HCRTR2: variants seen among roughly 807,000 people sequenced by gnomAD.
The protein encoded by HCRTR2 is orexin receptor type 2.
In HCRTR2, 22 loss-of-function variants were observed where a neutral mutation model predicts 49.0. The observed-to-expected ratio is 0.45, with a 90% CI of 0.32 to 0.64. The LOEUF is 0.64. HCRTR2 is among the 30% of genes least tolerant of loss of function. The pLI is 0.04. For missense variants in HCRTR2, 491 were observed against 559.4 expected (o/e 0.88, Z 1.23); for synonymous variants, 236 against 205.3 (o/e 1.15, Z -1.28).
chr6:55,233,705 C>G (rs116113238), intron 1 of HCRTR2, among the ~76,000 whole-genome samples: 1 of 151,650 alleles, frequency 6.6e-6, no homozygotes, highest in Non-Finnish European at 1.5e-5. Flanking sequence ...TAAAGAATAA[C>G]AAATAAATAA....
rs183387076 is a variant in HCRTR2, at chr6:55,129,289, A to G, written c.-378+22744A>G. 1.8e-3 allele frequency among the ~76,000 whole-genome samples: 270 copies of G among 152,196 alleles called. 1 individual carries two copies. Among genetic ancestry groups the G allele is most frequent in the African/African-American group, 6.1e-3 (252 of 41,564 alleles). On this transcript the variant is annotated intron_variant, in intron 1 of 7. Transcript: ENST00000615358. ...CCCCTTGTGTTTTCAAATCTCCTCA[A>G]AATCAACATATCAGAAATTGAAACT... is the stretch of plus-strand genomic sequence containing the variant.
chr6:55,170,996 G>C (rs1267560776), upstream of HCRTR2, among the ~76,000 whole-genome samples: 2 of 151,920 alleles, frequency 1.3e-5, no homozygotes, highest in African/African-American at 4.8e-5. Context: ...GGACATTTGG[G>C]TTGGTTCCAA....
At chr6:55,272,932 A>T (rs756176704) in intron 4 of HCRTR2, among the ~76,000 whole-genome samples, 1 of 150,616 alleles carries the variant, frequency 6.6e-6, no homozygotes, top group African/African-American at 2.5e-5. Flanking sequence ...GGAGTTGGAC[A>T]GGGGCAGGAG....
chr6:55,190,117 A>G (rs534237799), intron 1 of HCRTR2, among the ~76,000 whole-genome samples: 3 of 152,370 alleles, frequency 2.0e-5, no homozygotes, highest in Non-Finnish European at 2.9e-5. Context: ...AAAGCATACA[A>G]GGGAATGTAA....
chr6:55,153,400 A>C (rs1274113741), intron 1 of HCRTR2, among the ~76,000 whole-genome samples: 1 of 152,026 alleles, frequency 6.6e-6, no homozygotes, highest in Non-Finnish European at 1.5e-5. Flanking sequence ...GTAGCATATT[A>C]CTGGATACTG....
At chr6:55,256,243 G>A (rs116224760) in intron 3 of HCRTR2, among the ~76,000 whole-genome samples, 2,234 of 152,038 alleles carry the variant, frequency 0.015, 54 homozygotes, top group African/African-American at 0.051. Flanking sequence ...CCTCTTCTAG[G>A]TAAGTATACT....
intron 1 of HCRTR2, among the ~76,000 whole-genome samples, chr6:55,110,042 A>G (rs1485054476): frequency 1.3e-5 from 2 of 152,110 alleles, no homozygotes; most frequent in Non-Finnish European, 2.9e-5. Context: ...ACCCTACAAG[A>G]TAGAAGGGAT....
intron 6 of HCRTR2, among the ~76,000 whole-genome samples, chr6:55,281,290 T>C (rs1284201981): frequency 6.6e-6 from 1 of 152,136 alleles, no homozygotes; most frequent in African/African-American, 2.4e-5. Flanking sequence ...ATTAGATTGA[T>C]GAGAAATAAT....
chr6:55,164,858 G>T (rs1347178755), intron 1 of HCRTR2, among the ~76,000 whole-genome samples: 4 of 152,104 alleles, frequency 2.6e-5, no homozygotes, highest in African/African-American at 9.7e-5. Context: ...ACAGAAATAT[G>T]TGACCTCTCA....
At chr6:55,183,375 G>T (rs562791951) in intron 1 of HCRTR2, among the ~76,000 whole-genome samples, 1 of 152,140 alleles carries the variant, frequency 6.6e-6, no homozygotes, top group East Asian at 1.9e-4. Flanking sequence ...TCAAAGAGGC[G>T]TGAAATAGAA....
chr6:55,117,397 C>CAAAAAA (rs1764132912), intron 1 of HCRTR2, among the ~76,000 whole-genome samples: 1 of 151,656 alleles, frequency 6.6e-6, no homozygotes, highest in South Asian at 2.1e-4. Context: ...TACTGAATCT[C>CAAAAAA]AGACAAGTGC....
At chr6:55,152,240 T>C (rs958204544) in intron 1 of HCRTR2, among the ~76,000 whole-genome samples, 4 of 152,038 alleles carry the variant, frequency 2.6e-5, no homozygotes, top group Admixed American at 2.6e-4. Context: ...ATACTTGTTA[T>C]CTTTTGTGTT....
intron 1 of HCRTR2, among the ~76,000 whole-genome samples, chr6:55,176,096 C>T (rs763633587): frequency 9.9e-5 from 15 of 152,096 alleles, no homozygotes; most frequent in African/African-American, 1.9e-4. Context: ...TGATTTTTGC[C>T]TTCTCTCCCA....
intron 1 of HCRTR2, among the ~76,000 whole-genome samples, chr6:55,120,050 G>A (rs769449585): frequency 2.0e-4 from 30 of 152,024 alleles, no homozygotes; most frequent in Admixed American, 6.6e-4. Context: ...TTGCTTGTTT[G>A]TGTCAGGTTT....
chr6:55,195,170 T>C lies in HCRTR2; in HGVS notation c.223+20360T>C, dbSNP rs915078841. ...ATAGGACAATAAGAGTGAATGAAGA[T>C]AAAATGAAAAATCAATAAGATATCG... On this transcript the variant is annotated intron_variant, in intron 1 of 6. Coordinates refer to ENST00000370862, the MANE Select transcript of HCRTR2 (RefSeq NM_001384272.1). 2.0e-5 allele frequency among the ~76,000 whole-genome samples: 3 copies of C among 151,868 alleles called. No individual in the cohort carries two copies. The East Asian group carries it at 5.8e-4, about 29-fold the overall frequency.
intron 1 of HCRTR2, among the ~76,000 whole-genome samples, chr6:55,215,742 C>G (rs766589659): frequency 1.3e-5 from 2 of 152,046 alleles, no homozygotes; most frequent in African/African-American, 2.4e-5. Context: ...TTTTTATCAC[C>G]TTAAAATAGA....
At chr6:55,199,006 G>A (rs574273168) in intron 1 of HCRTR2, among the ~76,000 whole-genome samples, 21 of 152,314 alleles carry the variant, frequency 1.4e-4, no homozygotes, top group Admixed American at 3.3e-4. Flanking sequence ...TAAATTCCAA[G>A]ATTAGTTTAT....
rs555073372 is a variant in HCRTR2, at chr6:55,248,640, T to C, written c.225T>C (p.Val75=). The part of the protein sequence containing the change: ...FVVALIGNVL[V]CVAVWKNHHM... The stretch of plus-strand genomic sequence containing the variant: ...TATTCCTTTTTCTTTTCAAATTAGT[T>C]TGTGTGGCAGTGTGGAAGAACCACC... The change falls in exon 2 of 7, where the codon GTT becomes GTC. Residue 75 remains valine, a splice_region_variant and synonymous_variant. Transcript: ENST00000370862. 3.3e-5 allele frequency: 54 copies of C among 1,612,310 alleles called. No individual in the cohort carries two copies. The East Asian group carries it at 1.1e-3, about 34-fold the overall frequency.
chr6:55,178,580 A>G (rs1451884768), intron 1 of HCRTR2, among the ~76,000 whole-genome samples: 1 of 152,168 alleles, frequency 6.6e-6, no homozygotes, highest in African/African-American at 2.4e-5. Context: ...TTCATGACTG[A>G]ACTTTTTGTG....
Sources: gnomAD v4.1 joint callset for allele counts (sites outside exome capture counted in the v4.1 genomes callset) on GRCh38, gnomAD v4.1.1 for gene constraint, MANE v1.5 for transcripts, NCBI Gene and HGNC (gene_info 2026-07-23, HGNC 2026-07-21) for gene names.